Variants in STEAP1B observed in about 807,000 individuals in gnomAD.
STEAP1B encodes STEAP family protein MGC87042.
A neutral mutation model predicts 27.9 loss-of-function variants in STEAP1B; 13 were observed. That is an observed-to-expected ratio of 0.47 (90% confidence interval 0.30 to 0.74). The LOEUF (loss-of-function observed/expected upper bound fraction) is 0.74, where lower values mean the gene tolerates loss of function less well. Among genes scored for constraint, STEAP1B ranks in the 30% least tolerant of loss-of-function variants. The pLI is 0.06. For synonymous variants in STEAP1B, 86 were observed against 107.1 expected (o/e 0.80, Z 1.22); for missense variants, 250 against 298.7 (o/e 0.84, Z 1.20).
chr7:22,495,055 A>T (rs552371363), intron 1 of STEAP1B, among the ~76,000 whole-genome samples, 169 bp from the exon 2 acceptor site: 1 of 152,344 alleles, frequency 6.6e-6, no homozygotes, highest in Non-Finnish European at 1.5e-5. Context: ...ATAATCTGTA[A>T]GTTTCAAACC....
intron 4 of STEAP1B, among the ~76,000 whole-genome samples, chr7:22,435,244 T>G (rs1235439060): frequency 6.6e-6 from 1 of 151,730 alleles, no homozygotes; most frequent in Non-Finnish European, 1.5e-5. Flanking sequence ...CACTCAACCT[T>G]GAATGTCTGG....
rs74348786 is a variant in STEAP1B at position 22,437,234 on chromosome 7, T to G, written c.763-17398A>C. ...CTATTCATCTCGCATAACTGAAACTTTATACCCACTAGTACCTCTCCATTT... is the reference window on the plus strand; with the variant it reads ...CTATTCATCTCGCATAACTGAAACTGTATACCCACTAGTACCTCTCCATTT... On this transcript the variant is annotated intron_variant, in intron 4 of 4. Coordinates refer to ENST00000678116, the MANE Select transcript of STEAP1B (RefSeq NM_001382447.1). 7.4e-3 allele frequency among the ~76,000 whole-genome samples: 1,128 copies of G among 152,322 alleles called. 14 individuals are homozygous for G. Among genetic ancestry groups the G allele is most frequent in the African/African-American group, 0.026 (1,062 of 41,576 alleles).
At chr7:22,487,830 G>GA (rs1201816458) in intron 4 of STEAP1B, among the ~76,000 whole-genome samples, 80 of 128,458 alleles carry the variant, frequency 6.2e-4, no homozygotes, top group Middle Eastern at 4.1e-3. Context: ...AAAGAAAAAA[G>GA]AAAAAAAAAA....
At chr7:22,451,545 C>CT (rs543190703) in intron 4 of STEAP1B, among the ~76,000 whole-genome samples, 86 of 152,128 alleles carry the variant, frequency 5.7e-4, no homozygotes, top group Non-Finnish European at 1.1e-3. Flanking sequence ...TGTCACGTGG[C>CT]TTTTTTTATG....
Position 22,427,826 on chromosome 7 carries a change from T to C in STEAP1B, c.763-7990A>G, listed in dbSNP as rs143061781. On this transcript the variant is annotated intron_variant, in intron 4 of 4. Transcript: ENST00000678116. ...AAAATTAGCAAACCTCCAGCAAGAC[T>C]GCCAAGGTAATGAGGAAAGGTACGA... Among the ~76,000 whole-genome samples, 356 of 152,312 alleles carry C rather than the reference T, an allele frequency of 2.3e-3. 2 individuals are homozygous for C. Among genetic ancestry groups the C allele is most frequent in the African/African-American group, 7.4e-3 (309 of 41,566 alleles).
chr7:22,422,852 C>A (rs1400319199), intron 4 of STEAP1B, among the ~76,000 whole-genome samples: 1 of 152,144 alleles, frequency 6.6e-6, no homozygotes, highest in Admixed American at 6.5e-5. Context: ...ATTAGTTTAT[C>A]CTAGCATTTC....
At chr7:22,436,705 C>G (rs192125995) in intron 4 of STEAP1B, among the ~76,000 whole-genome samples, 1 of 152,136 alleles carries the variant, frequency 6.6e-6, no homozygotes, top group African/African-American at 2.4e-5. Flanking sequence ...CCATTCATGT[C>G]CCTGTAAAGG....
At chr7:22,448,120 T>C (rs1414487000) in intron 4 of STEAP1B, among the ~76,000 whole-genome samples, 1 of 152,240 alleles carries the variant, frequency 6.6e-6, no homozygotes, top group African/African-American at 2.4e-5. Flanking sequence ...TTTACTCTCA[T>C]ATCTCCTAAA....
chr7:22,499,193 C>T (rs1408700294), intron 1 of STEAP1B, among the ~76,000 whole-genome samples: 1 of 152,198 alleles, frequency 6.6e-6, no homozygotes, highest in Non-Finnish European at 1.5e-5. Flanking sequence ...TTTTGCTGTA[C>T]CAAGATGGCT....
chr7:22,483,930 C>G (rs7811696), intron 4 of STEAP1B, among the ~76,000 whole-genome samples: 48,779 of 152,076 alleles, frequency 0.32, 7,949 homozygotes, highest in East Asian at 0.45. Flanking sequence ...ATCAAACTAG[C>G]CACTACATTC....
chr7:22,470,880 A>G (rs570508238), intron 4 of STEAP1B, among the ~76,000 whole-genome samples: 1 of 152,202 alleles, frequency 6.6e-6, no homozygotes, highest in Admixed American at 6.5e-5. Context: ...ATAAAACATC[A>G]CCCAAAAAAT....
At chr7:22,477,596 G>A (rs562473223) in intron 4 of STEAP1B, among the ~76,000 whole-genome samples, 8 of 152,296 alleles carry the variant, frequency 5.3e-5, no homozygotes, top group East Asian at 3.9e-4. Context: ...AGCGTATTAC[G>A]CAAATATTAC....
intron 4 of STEAP1B, among the ~76,000 whole-genome samples, chr7:22,477,327 G>A (rs919406056): frequency 6.6e-6 from 1 of 152,134 alleles, no homozygotes; most frequent in Non-Finnish European, 1.5e-5. Context: ...ATTGATCCCT[G>A]ATGGCTTCCT....
intron 4 of STEAP1B, among the ~76,000 whole-genome samples, chr7:22,471,162 G>T (rs866983249): frequency 6.6e-6 from 1 of 152,168 alleles, no homozygotes; most frequent in South Asian, 2.1e-4. Context: ...CCCAGTGGGT[G>T]GGCTGCGCGC....
At chr7:22,434,717 A>G (rs1294873182) in intron 4 of STEAP1B, among the ~76,000 whole-genome samples, 2 of 152,260 alleles carry the variant, frequency 1.3e-5, no homozygotes, top group East Asian at 1.9e-4. Context: ...CGAAGAGCAC[A>G]TAGATTTGTT....
intron 4 of STEAP1B, among the ~76,000 whole-genome samples, chr7:22,487,054 A>G (rs1786223215): frequency 6.6e-6 from 1 of 152,230 alleles, no homozygotes; most frequent in Admixed American, 6.5e-5. Context: ...GGAAGGAAAC[A>G]AAGGGTGAAA....
rs755888704 is a variant in STEAP1B, at chr7:22,493,609, T to C, written c.312A>G (p.Gln104=). Residue 104 remains glutamine (Q), a synonymous_variant, in exon 3 of 5, where the codon CAA becomes CAG. Coordinates refer to ENST00000678116, the MANE Select transcript of STEAP1B (RefSeq NM_001382447.1). ...VIHPLATSHQ[Q]YFYKIPILVI... ...CCAGGATTGGAATTTTATAAAAATATTGTTGATGGGAAGTTGCTAAAGGGT... is the reference window on the plus strand; with the variant it reads ...CCAGGATTGGAATTTTATAAAAATACTGTTGATGGGAAGTTGCTAAAGGGT... The C allele has an allele frequency of 7.4e-6, 12 of 1,613,784 alleles. No individual in the cohort carries two copies. The highest frequency in any genetic ancestry group is 1.3e-5 in the African/African-American group (1 of 74,902).
chr7:22,493,517 A>G lies in STEAP1B; in HGVS notation c.404T>C (p.Ile135Thr), dbSNP rs769572830. 9 of 1,613,804 alleles carry G rather than the reference A, an allele frequency of 5.6e-6. No individual in the cohort carries two copies. The African/African-American group carries it at 1.1e-4, about 19-fold the overall frequency. The change falls in exon 3 of 5, where the codon ATA becomes ACA. Residue 135 changes from isoleucine (I) to threonine (T), a missense_variant. By Grantham distance (89) the Ile-to-Thr change is moderately conservative (BLOSUM62 -1). Coordinates refer to ENST00000678116, the MANE Select transcript of STEAP1B (RefSeq NM_001382447.1). ...ATTATGAACTTGGACAATTGCTGCT[A>G]TCACACCTGGTAGGTAAACCAATGC... ...LLALVYLPGV[I>T]AAIVQVHNGT...
chr7:22,450,599 G>GTT lies in STEAP1B; in HGVS notation c.763-30765_763-30764dup, dbSNP rs143262366. 3.4e-3 allele frequency among the ~76,000 whole-genome samples: 465 copies of GTT among 138,606 alleles called. 2 individuals carry two copies. The highest frequency in any genetic ancestry group is 8.0e-3 in the South Asian group (35 of 4,386). The allele number at this position is 138,606 out of a possible 152,430, so 90.9% of individuals were successfully genotyped here. On this transcript the variant is annotated intron_variant, in intron 4 of 4. Transcript: ENST00000678116. ...TAGGTAATGTGATTCCTGTAGTTTT[G>GTT]TTTTTTTTTTTTTGCTTAGGATGGC...
Sources: gnomAD v4.1 joint callset for allele counts (sites outside exome capture counted in the v4.1 genomes callset) on GRCh38, gnomAD v4.1.1 for gene constraint, MANE v1.5 for transcripts, NCBI Gene and HGNC (gene_info 2026-07-23, HGNC 2026-07-21) for gene names.